The following IKZF2 variants were observed in gnomAD, a reference collection of about 807,000 sequenced individuals.
IKZF2 encodes IKAROS family zinc finger 2.
In IKZF2, 15 loss-of-function variants were observed where a neutral mutation model predicts 49.2. The observed-to-expected ratio is 0.30, with a 90% CI of 0.20 to 0.47. The LOEUF is 0.47. IKZF2 is among the 20% of genes least tolerant of loss of function. IKZF2 has a pLI of 1.00. For synonymous variants in IKZF2, 227 were observed against 221.4 expected (o/e 1.03, Z -0.23); for missense variants, 567 against 664.6 (o/e 0.85, Z 1.61).
chr2:213,039,254 A>G (rs1015134555), intron 6 of IKZF2, among the ~76,000 whole-genome samples: 1 of 152,110 alleles, frequency 6.6e-6, no homozygotes, highest in Non-Finnish European at 1.5e-5. Context: ...TTAAAAGTCA[A>G]TATTAGGAAC....
intron 6 of IKZF2, among the ~76,000 whole-genome samples, chr2:213,043,158 C>T (rs945086288): frequency 6.7e-6 from 1 of 149,984 alleles, no homozygotes; most frequent in Non-Finnish European, 1.5e-5. Context: ...CCACCTTGTA[C>T]AGGGATCATG....
chr2:213,008,185 C>A (rs1695559395), intron 8 of IKZF2, 101 bp from the exon 9 acceptor site: 13 of 1,320,358 alleles, frequency 9.8e-6, no homozygotes, highest in Non-Finnish European at 1.3e-5. Flanking sequence ...TGACTGATTG[C>A]CTCCATTTTT....
chr2:213,130,037 T>C (rs2060422774), intron 4 of IKZF2, among the ~76,000 whole-genome samples: 1 of 152,190 alleles, frequency 6.6e-6, no homozygotes, highest in Non-Finnish European at 1.5e-5. Context: ...GAGTACCAGA[T>C]GTTTTCTGCT....
At chr2:213,149,096 A>G (rs1410937791) in intron 2 of IKZF2, among the ~76,000 whole-genome samples, 1 of 152,112 alleles carries the variant, frequency 6.6e-6, no homozygotes, top group Non-Finnish European at 1.5e-5. Flanking sequence ...AGGGAGGGGG[A>G]GGACAAACAA....
At chr2:213,150,037 T>C (rs565993293) in intron 2 of IKZF2, 107 bp downstream of exon 2, 4 of 466,976 alleles carry the variant, frequency 8.6e-6, no homozygotes, top group East Asian at 1.4e-4. Flanking sequence ...GAAAGAAACG[T>C]CAGGGAGAAG....
intron 7 of IKZF2, among the ~76,000 whole-genome samples, chr2:213,020,949 A>G (rs981358658): frequency 6.6e-6 from 1 of 152,234 alleles, no homozygotes; most frequent in Non-Finnish European, 1.5e-5. Context: ...GCAATGGTTC[A>G]CACCTGTAAT....
chr2:213,033,566 T>G (rs1698702065), intron 6 of IKZF2, among the ~76,000 whole-genome samples: 1 of 152,208 alleles, frequency 6.6e-6, no homozygotes, highest in African/African-American at 2.4e-5. Flanking sequence ...TTAATCTGCT[T>G]GTACATCTCC....
intron 8 of IKZF2, among the ~76,000 whole-genome samples, chr2:213,010,950 A>T (rs1481012495): frequency 6.6e-6 from 1 of 152,118 alleles, no homozygotes; most frequent in Non-Finnish European, 1.5e-5. Flanking sequence ...GATAAGTCTG[A>T]AAGAATACTG....
At chr2:213,142,656 G>A (rs1300495270) in intron 4 of IKZF2, among the ~76,000 whole-genome samples, 1 of 151,856 alleles carries the variant, frequency 6.6e-6, no homozygotes, top group African/African-American at 2.4e-5. Context: ...ACATGGCCAA[G>A]GTCACACAGC....
intron 4 of IKZF2, among the ~76,000 whole-genome samples, chr2:213,110,918 T>A (rs1241183539): frequency 1.3e-5 from 2 of 152,012 alleles, no homozygotes; most frequent in African/African-American, 2.4e-5. Flanking sequence ...TAGGAGCCAA[T>A]GGTATTTTTC....
upstream of IKZF2, among the ~76,000 whole-genome samples, chr2:213,151,880 C>T (rs2061293669): frequency 6.6e-6 from 1 of 150,440 alleles, no homozygotes; most frequent in Non-Finnish European, 1.5e-5. Flanking sequence ...GGCTGGCGGG[C>T]GCGTGTGCGC....
intron 4 of IKZF2, among the ~76,000 whole-genome samples, chr2:213,118,498 T>TA (rs1359222301): frequency 6.6e-6 from 1 of 152,198 alleles, no homozygotes; most frequent in East Asian, 1.9e-4. Context: ...TTCCTTATAT[T>TA]AAAACAAAAC....
In IKZF2 at chr2:213,013,898, A is replaced by G. The variant is rs2125055026; in HGVS notation, c.749T>C (p.Ile250Thr). 1 of 1,611,872 alleles carries G rather than the reference A, an allele frequency of 6.2e-7. No individual in the cohort carries two copies. The highest frequency in any genetic ancestry group is 1.1e-5 in the South Asian group (1 of 90,996). Residue 250 changes from isoleucine to threonine, a missense_variant, in exon 8 of 9, where the codon ATT (isoleucine) becomes ACT (threonine). Transcript: ENST00000434687. ...CACCAGAGAAATATTGTTGTCCATA[A>G]TAGGCTCTTGTTCCTTACAATCTTC... ...PMEDCKEQEPIMDNNISLVPF... is the reference protein window; with the variant it reads ...PMEDCKEQEPTMDNNISLVPF...
At chr2:213,032,137 TATGGGGA>T (rs1273739261) in intron 6 of IKZF2, among the ~76,000 whole-genome samples, 1 of 152,310 alleles carries the variant, frequency 6.6e-6, no homozygotes, top group South Asian at 2.1e-4. Context: ...AAATATTCAT[TATGGGGA>T]ATAAAAAGTA....
chr2:213,022,619 TA>T (rs1697349459), intron 6 of IKZF2, among the ~76,000 whole-genome samples: 4 of 152,156 alleles, frequency 2.6e-5, no homozygotes, highest in Non-Finnish European at 4.4e-5. Flanking sequence ...CCAAGAAGAT[TA>T]AAAAGAACTC....
rs1487579262 is a variant in IKZF2 at position 213,000,146 on chromosome 2, T to C, written c.*7214A>G. 6.7e-6 allele frequency: 1 copy of C among 150,114 alleles called. No individual in the cohort carries two copies. The highest frequency in any genetic ancestry group is 1.5e-5 in the Non-Finnish European group (1 of 67,142). The allele number at this position is 150,114 out of a possible 1,614,324, so 9.3% of individuals were successfully genotyped here. ...TGCAAAGACTGTTTCAGTATTTCCA[T>C]AGTAAACCTCATTTTCTGAGGTATG... On this transcript the variant is annotated 3_prime_UTR_variant, in exon 9 of 9. Coordinates refer to ENST00000434687, the MANE Select transcript of IKZF2 (RefSeq NM_001387220.1).
intron 7 of IKZF2, chr2:213,014,556 A>G (rs1325183874): frequency 1.3e-5 from 2 of 152,128 alleles, no homozygotes; most frequent in Non-Finnish European, 2.9e-5. Context: ...TTTTAAAAAG[A>G]GCTCTTCAGC....
intron 4 of IKZF2, among the ~76,000 whole-genome samples, chr2:213,084,402 T>C (rs746050023): frequency 1.2e-4 from 18 of 152,218 alleles, no homozygotes; most frequent in Non-Finnish European, 1.9e-4. Flanking sequence ...AAGATTCTCC[T>C]AAACTACAGT....
At chr2:213,099,308 G>T (rs1706376007) in intron 4 of IKZF2, among the ~76,000 whole-genome samples, 1 of 152,110 alleles carries the variant, frequency 6.6e-6, no homozygotes. Flanking sequence ...ATTCCTGAAA[G>T]TTGAGTATCT....
Sources: gnomAD v4.1 joint callset for allele counts (sites outside exome capture counted in the v4.1 genomes callset) on GRCh38, gnomAD v4.1.1 for gene constraint, MANE v1.5 for transcripts, NCBI Gene and HGNC (gene_info 2026-07-23, HGNC 2026-07-21) for gene names.